GLIS1: variants seen among roughly 807,000 people sequenced by gnomAD.
GLIS1 encodes the protein zinc finger protein GLIS1.
GLIS1 carries 24 observed loss-of-function variants against 63.8 expected under a neutral mutation model. The ratio of observed to expected loss-of-function variants is 0.38; its 90% CI spans 0.27 to 0.53. GLIS1 has a LOEUF of 0.53. Ranked by LOEUF, GLIS1 falls within the 20% of genes least tolerant of loss-of-function variation. The pLI, the probability that GLIS1 is intolerant of heterozygous loss-of-function variation, is 0.85. For missense variants in GLIS1, 1,036 were observed against 1,074.1 expected, an observed-to-expected ratio of 0.96 and a Z score of 0.50; for synonymous variants, 450 against 482.5, an observed-to-expected ratio of 0.93 and a Z score of 0.88.
Position 53,594,639 on chromosome 1 carries a change from G to C in GLIS1, c.789C>G (p.Ser263=), listed in dbSNP as rs753848817. Reference sequence around the variant, plus strand: ...GAGACGTCTGGGAGGAGCGGATGATGGAGGTGACGTCGGAGGAGGCACAGG... The same window carrying C: ...GAGACGTCTGGGAGGAGCGGATGATCGAGGTGACGTCGGAGGAGGCACAGG... The part of the protein sequence containing the change: ...SSPCASSDVT[S]IIRSSQTSLV... The change falls in exon 4 of 11, where the codon TCC becomes TCG. Residue 263 remains serine (S), a synonymous_variant. Coordinates refer to ENST00000628545, the MANE Select transcript of GLIS1 (RefSeq NM_001367484.1). 6.4e-7 allele frequency: 1 copy of C among 1,560,770 alleles called. No individual in the cohort carries two copies. Among genetic ancestry groups the C allele is most frequent in the Non-Finnish European group, 8.7e-7 (1 of 1,150,430 alleles).
chr1:53,700,072 G>C (rs1004998217), intron 2 of GLIS1, among the ~76,000 whole-genome samples: 8 of 152,198 alleles, frequency 5.3e-5, no homozygotes, highest in African/African-American at 1.9e-4. Context: ...CTCTGAGCTG[G>C]GATGACTCTA....
intron 2 of GLIS1, among the ~76,000 whole-genome samples, chr1:53,685,189 C>A (rs922492492): frequency 2.0e-5 from 3 of 152,190 alleles, no homozygotes; most frequent in African/African-American, 7.2e-5. Context: ...CTGCCAATGC[C>A]CAGCTCACAG....
chr1:53,724,584 A>G (rs1646787270), intron 2 of GLIS1, among the ~76,000 whole-genome samples: 1 of 152,108 alleles, frequency 6.6e-6, no homozygotes, highest in Non-Finnish European at 1.5e-5. Flanking sequence ...CAGTGGCTTG[A>G]CTACAGTTCA....
At chr1:53,729,968 CAG>C (rs1646843530) in intron 2 of GLIS1, among the ~76,000 whole-genome samples, 1 of 152,122 alleles carries the variant, frequency 6.6e-6, no homozygotes, top group South Asian at 2.1e-4. Context: ...CCGTTTTCTC[CAG>C]AGAGATGGGG....
rs115887127 is a variant in GLIS1, at chr1:53,732,570, G to A, written c.259+5236C>T. On this transcript the variant is annotated intron_variant, in intron 2 of 10. Transcript: ENST00000628545. ...CTAGAATCATTAGCACAGTGAAGGC[G>A]AGCAGCACAAATATTTCAGGAGTTT... Among the ~76,000 whole-genome samples the A allele has an allele frequency of 1.2e-3, 181 of 152,012 alleles. 1 individual carries two copies. The highest frequency in any genetic ancestry group is 4.2e-3 in the African/African-American group (172 of 41,420).
intron 2 of GLIS1, among the ~76,000 whole-genome samples, chr1:53,736,559 A>T (rs891735470): frequency 2.0e-5 from 3 of 152,100 alleles, no homozygotes; most frequent in Admixed American, 2.0e-4. Flanking sequence ...GAGACCTCAT[A>T]TGTGTGTATT....
At chr1:53,584,829 G>A (rs1645119442) in intron 4 of GLIS1, among the ~76,000 whole-genome samples, 1 of 152,156 alleles carries the variant, frequency 6.6e-6, no homozygotes, top group Admixed American at 6.5e-5. Context: ...CCATCCAAGT[G>A]AGCACACAAA....
rs754313570 is a variant in GLIS1, at chr1:53,600,153, G to A, written c.385C>T (p.Arg129Trp). 51 of 1,231,404 alleles carry A rather than the reference G, an allele frequency of 4.1e-5. No homozygotes were observed. The highest frequency in any genetic ancestry group is 4.7e-5 in the African/African-American group (3 of 64,388). The allele number at this position is 1,231,404 out of a possible 1,614,324, so 76.3% of individuals were successfully genotyped here. ...LFLPAGSPPP[R>W]AHPQACERLL... ...CTCTCACAAGCTTGGGGGTGAGCCC[G>A]GGGCGGTGGGCTTCCTGCAGGGAGA... The change falls in exon 3 of 11, where the codon CGG (arginine) becomes TGG (tryptophan). Residue 129 changes from arginine to tryptophan, a missense_variant. Physicochemically the swap from Arg to Trp is moderately radical, Grantham distance 101. This residue lies in a region of GLIS1 where 592 missense variants were observed against 593.9 expected (regional missense o/e 1.00). Transcript: ENST00000628545.
chr1:53,660,250 TC>T (rs2100358279), intron 2 of GLIS1, among the ~76,000 whole-genome samples: 1 of 152,190 alleles, frequency 6.6e-6, no homozygotes, highest in South Asian at 2.1e-4. Flanking sequence ...TGAGCTCATT[TC>T]ACCCCCACCT....
chr1:53,565,311 G>A (rs921731950), intron 4 of GLIS1, among the ~76,000 whole-genome samples: 2 of 151,894 alleles, frequency 1.3e-5, no homozygotes, highest in Non-Finnish European at 2.9e-5. Flanking sequence ...TAATGTGCTA[G>A]GAGATCCATT....
chr1:53,556,906 GTA>G (rs547042376), intron 4 of GLIS1, among the ~76,000 whole-genome samples: 2,034 of 140,808 alleles, frequency 0.014, 42 homozygotes, highest in African/African-American at 0.051. Flanking sequence ...TGTACTGCAG[GTA>G]TGTGTGTGTG....
At chr1:53,727,788 C>T (rs746580002) in intron 2 of GLIS1, among the ~76,000 whole-genome samples, 10 of 152,144 alleles carry the variant, frequency 6.6e-5, no homozygotes, top group Non-Finnish European at 1.0e-4. Context: ...AGGGGCAGAC[C>T]TTATTTTGAA....
intron 2 of GLIS1, among the ~76,000 whole-genome samples, chr1:53,647,225 C>T (rs552215878): frequency 6.6e-6 from 1 of 152,272 alleles, no homozygotes; most frequent in South Asian, 2.1e-4. Flanking sequence ...AATTACCAAG[C>T]TGGTTCTAAA....
At chr1:53,514,222 T>C (rs902285018) in intron 8 of GLIS1, among the ~76,000 whole-genome samples, 7 of 151,658 alleles carry the variant, frequency 4.6e-5, no homozygotes, top group Non-Finnish European at 8.8e-5. Flanking sequence ...GTCTGTGGAG[T>C]GCGCGCAGTG....
intron 4 of GLIS1, among the ~76,000 whole-genome samples, chr1:53,573,411 C>G (rs967694936): frequency 6.6e-6 from 1 of 152,158 alleles, no homozygotes; most frequent in African/African-American, 2.4e-5. Flanking sequence ...CCCAATCCAG[C>G]CCACCCTTCT....
chr1:53,706,793 C>T (rs147573438), intron 2 of GLIS1, among the ~76,000 whole-genome samples: 31 of 152,318 alleles, frequency 2.0e-4, no homozygotes, highest in African/African-American at 6.7e-4. Flanking sequence ...AATCAAAACA[C>T]ATGTGGCCTC....
rs577765054 is a variant in GLIS1, at chr1:53,737,811, CCGG to C, written c.251_253del (p.Ala84del). 61 of 1,230,934 alleles carry C rather than the reference CCGG, an allele frequency of 5.0e-5. No individual in the cohort carries two copies. The highest frequency in any genetic ancestry group is 6.2e-5 in the Non-Finnish European group (61 of 987,452). 76.3% of individuals were successfully genotyped at this position (1,230,934 alleles called of 1,614,324 possible). A position where few individuals can be genotyped will look rare whatever the true frequency, so the allele number is the denominator to read the frequency against. On this transcript the variant is annotated inframe_deletion, in exon 2 of 11. Transcript: ENST00000628545. ...GTTGGCAGGGCCGAACTCACCCTTC[CCGG>C]CGGCGGCGGCCTTGGATGGACCGTA...
chr1:53,525,826 C>G (rs1427081358), intron 5 of GLIS1, among the ~76,000 whole-genome samples: 1 of 152,136 alleles, frequency 6.6e-6, no homozygotes, highest in Non-Finnish European at 1.5e-5. Flanking sequence ...AAGCTCTCCT[C>G]GCATCCTCCA....
chr1:53,611,545 A>G (rs1645424928), intron 2 of GLIS1, among the ~76,000 whole-genome samples: 1 of 152,232 alleles, frequency 6.6e-6, no homozygotes, highest in Admixed American at 6.5e-5. Context: ...TGGACAGATG[A>G]TATCTTCCTC....
Sources: allele counts gnomAD v4.1 joint callset (sites outside exome capture counted in the v4.1 genomes callset), GRCh38; gene constraint gnomAD v4.1.1; regional missense constraint gnomAD v4.1.1; transcripts MANE v1.5; gene names NCBI Gene and HGNC (gene_info 2026-07-23, HGNC 2026-07-21).